Variants in DOCK3 observed in about 807,000 individuals in gnomAD.
DOCK3 encodes the protein dedicator of cytokinesis protein 3.
In DOCK3, 60 loss-of-function variants were observed where a neutral mutation model predicts 265.6. The ratio of observed to expected loss-of-function variants is 0.23; its 90% CI spans 0.18 to 0.28. DOCK3 has a LOEUF of 0.28. Among genes scored for constraint, DOCK3 ranks in the 10% least tolerant of loss-of-function variants. The probability of loss-of-function intolerance (pLI) is 1.00; values close to 1 mark genes in which losing one functional copy is unlikely to be tolerated. For synonymous variants in DOCK3, 881 were observed against 938.0 expected (o/e 0.94, Z 1.11); for missense variants, 1,981 against 2,594.3 (o/e 0.76, Z 5.14).
At chr3:50,801,765 C>T (rs1438211465) in intron 2 of DOCK3, among the ~76,000 whole-genome samples, 1 of 152,118 alleles carries the variant, frequency 6.6e-6, no homozygotes, top group Non-Finnish European at 1.5e-5. Flanking sequence ...GGTTTTCTGT[C>T]AAGATGATCT....
At chr3:51,164,940 C>CTT (rs66495824) in intron 12 of DOCK3, among the ~76,000 whole-genome samples, 4,114 of 106,872 alleles carry the variant, frequency 0.038, 314 homozygotes, top group East Asian at 0.073. Context: ...GTTTAGGAGC[C>CTT]TTTTTTTTTT....
chr3:51,296,621 T>C (rs1413333146), intron 27 of DOCK3, among the ~76,000 whole-genome samples: 12 of 151,836 alleles, frequency 7.9e-5, no homozygotes, highest in East Asian at 5.9e-4. Context: ...GGACTACAGG[T>C]GCCCGCCACC....
At chr3:51,173,334 A>G (rs2086783794) in intron 12 of DOCK3, among the ~76,000 whole-genome samples, 1 of 152,116 alleles carries the variant, frequency 6.6e-6, no homozygotes, top group Non-Finnish European at 1.5e-5. Flanking sequence ...TGTTGCCCAG[A>G]CTGATCTCAA....
chr3:50,782,289 A>ATTTTTTTTTTTTTTTTTTTT (rs71084112), intron 2 of DOCK3, among the ~76,000 whole-genome samples: 2 of 110,044 alleles, frequency 1.8e-5, no homozygotes, highest in Non-Finnish European at 3.4e-5. Flanking sequence ...AGTACCTGTT[A>ATTTTTTTTTTTTTTTTTTTT]TTTTTTTTTT....
intron 5 of DOCK3, among the ~76,000 whole-genome samples, chr3:50,954,877 C>A (rs2076688464): frequency 6.6e-6 from 1 of 152,058 alleles, no homozygotes; most frequent in Non-Finnish European, 1.5e-5. Context: ...CTTTTGGCAT[C>A]TTTGTCATGA....
chr3:51,130,539 C>T (rs1294462001), intron 9 of DOCK3, among the ~76,000 whole-genome samples: 5 of 152,276 alleles, frequency 3.3e-5, no homozygotes, highest in East Asian at 1.9e-4. Context: ...GTTAAGCTTA[C>T]GATAATGCAC....
intron 5 of DOCK3, among the ~76,000 whole-genome samples, chr3:50,937,306 G>A (rs1279971209): frequency 6.9e-6 from 1 of 144,856 alleles, no homozygotes; most frequent in African/African-American, 2.5e-5. Flanking sequence ...AATTTATAAA[G>A]TGGAGAGGGA....
At chr3:51,130,730 C>T (rs1019421234) in intron 9 of DOCK3, among the ~76,000 whole-genome samples, 1 of 152,166 alleles carries the variant, frequency 6.6e-6, no homozygotes, top group African/African-American at 2.4e-5. Context: ...TGTTTTGAGA[C>T]AGAGTCCCTC....
At chr3:51,363,780 T>A (rs1455773496) in intron 49 of DOCK3, among the ~76,000 whole-genome samples, 1 of 152,204 alleles carries the variant, frequency 6.6e-6, no homozygotes, top group African/African-American at 2.4e-5. Flanking sequence ...AATGATGGAT[T>A]CCAGCTTCAT....
chr3:50,846,040 C>T (rs1382182374), intron 3 of DOCK3, among the ~76,000 whole-genome samples: 6 of 152,086 alleles, frequency 3.9e-5, no homozygotes, highest in East Asian at 1.9e-4. Context: ...GATATGAAAC[C>T]GTTATTGCAG....
chr3:51,339,319 A>G (rs1188160799), intron 37 of DOCK3, among the ~76,000 whole-genome samples: 2 of 152,120 alleles, frequency 1.3e-5, no homozygotes, highest in East Asian at 1.9e-4. Flanking sequence ...GTGACCTCCA[A>G]ATTCTGGTGC....
chr3:51,044,709 A>G (rs1255566128), intron 5 of DOCK3, among the ~76,000 whole-genome samples: 1 of 152,066 alleles, frequency 6.6e-6, no homozygotes, highest in Non-Finnish European at 1.5e-5. Flanking sequence ...GATCTTAGCT[A>G]GATCTTCTGA....
In DOCK3 at chr3:51,381,854, C is replaced by T. The variant is rs1187810667; in HGVS notation, c.*295C>T. 2 of 319,996 alleles carry T rather than the reference C, an allele frequency of 6.3e-6. No individual in the cohort carries two copies. Among genetic ancestry groups the T allele is most frequent in the African/African-American group, 4.3e-5 (2 of 46,838 alleles). The allele number at this position is 319,996 out of a possible 1,614,324, so 19.8% of individuals were successfully genotyped here. On this transcript the variant is annotated 3_prime_UTR_variant, in exon 53 of 53. Transcript: ENST00000266037. This position sits in a 1 kb window ranked among gnomAD's most constrained non-coding sequence, Gnocchi z 5.6. ...CTTTCTTCCTCCTGCAGTTCTGGAC[C>T]ATGTGGAGCTACATGGAGAAATTGC...
chr3:51,203,480 G>A (rs928320572), intron 12 of DOCK3, among the ~76,000 whole-genome samples: 5 of 152,126 alleles, frequency 3.3e-5, no homozygotes, highest in African/African-American at 1.2e-4. Flanking sequence ...CCTCTTCAAG[G>A]AGAACTACAA....
chr3:50,927,710 A>G (rs1184768392), intron 4 of DOCK3, among the ~76,000 whole-genome samples: 1 of 152,166 alleles, frequency 6.6e-6, no homozygotes, highest in East Asian at 1.9e-4. Context: ...TCTGGGTTGA[A>G]AGGAGCTTAG....
rs9884107 is a variant in DOCK3 at position 51,121,100 on chromosome 3, G to T, written c.747-25449G>T. On this transcript the variant is annotated intron_variant, in intron 9 of 52. Coordinates refer to ENST00000266037, the MANE Select transcript of DOCK3 (RefSeq NM_004947.5). ...CAAACAGCCGCCCAGTTTTGTGCTT[G>T]AAACCCAGGGCCCTTGTTGTGTAGG... 2.7e-3 allele frequency among the ~76,000 whole-genome samples: 416 copies of T among 152,290 alleles called. 1 individual carries two copies. Among genetic ancestry groups the T allele is most frequent in the African/African-American group, 9.6e-3 (399 of 41,544 alleles).
At chr3:51,161,857 C>T (rs1278190789) in intron 12 of DOCK3, among the ~76,000 whole-genome samples, 3 of 152,122 alleles carry the variant, frequency 2.0e-5, no homozygotes, top group Non-Finnish European at 2.9e-5. Context: ...CACTGGAGAT[C>T]GATAAGTCAC....
rs1280535252 is a variant in DOCK3, at chr3:51,089,295, T to C, written c.591+11T>C. 1.2e-6 allele frequency: 2 copies of C among 1,606,588 alleles called. No homozygotes were observed. Among genetic ancestry groups the C allele is most frequent in the Admixed American group, 3.4e-5 (2 of 58,948 alleles). The stretch of plus-strand genomic sequence containing the variant: ...CAAAGCACATCCCAGGTAAGCGGCT[T>C]TCCTGGGTCTTCCAGCCTTTCCCCT... On this transcript the variant is annotated intron_variant, in intron 8 of 52. Transcript: ENST00000266037.
At chr3:51,211,449 T>C (rs1345347394) in intron 13 of DOCK3, among the ~76,000 whole-genome samples, 1 of 152,110 alleles carries the variant, frequency 6.6e-6, no homozygotes, top group Non-Finnish European at 1.5e-5. Context: ...ACATGTGCCA[T>C]GTTGGTGTGC....
Sources: allele counts gnomAD v4.1 joint callset (sites outside exome capture counted in the v4.1 genomes callset), GRCh38; gene constraint gnomAD v4.1.1; non-coding constraint Gnocchi (gnomAD v3.1); transcripts MANE v1.5; gene names NCBI Gene and HGNC (gene_info 2026-07-23, HGNC 2026-07-21).